Variants in KIF13A observed in about 807,000 individuals in gnomAD.
KIF13A encodes kinesin-like protein KIF13A.
In KIF13A, 79 loss-of-function variants were observed where a neutral mutation model predicts 212.2. The ratio of observed to expected loss-of-function variants is 0.37; its 90% CI spans 0.31 to 0.45. KIF13A has a LOEUF of 0.45. Among genes scored for constraint, KIF13A ranks in the 20% least tolerant of loss-of-function variants. The pLI is 1.00. For synonymous variants in KIF13A, 789 were observed against 808.6 expected (o/e 0.98, Z 0.41); for missense variants, 1,901 against 2,209.0 (o/e 0.86, Z 2.79).
chr6:17,876,585 T>A (rs1461194927), intron 3 of KIF13A, among the ~76,000 whole-genome samples: 1 of 152,098 alleles, frequency 6.6e-6, no homozygotes, highest in Non-Finnish European at 1.5e-5. Context: ...TTATTTTATT[T>A]TTCATTTATC....
chr6:17,810,863 G>A (rs967413629), intron 17 of KIF13A, among the ~76,000 whole-genome samples: 1 of 152,188 alleles, frequency 6.6e-6, no homozygotes. Context: ...AGTAATGCAA[G>A]TGATGGGGAG....
rs189167330 is a variant in KIF13A, at chr6:17,894,187, C to T, written c.159+3981G>A. On this transcript the variant is annotated intron_variant, in intron 3 of 38. Transcript: ENST00000259711. ...GGGTTCTGTCGCCCAGGCTGGAGTG[C>T]AGTTGCATGATCAAGCTTACTACAG... Among the ~76,000 whole-genome samples, 5 of 149,698 alleles carry T rather than the reference C, an allele frequency of 3.3e-5. No individual in the cohort carries two copies. In the East Asian group the frequency reaches 9.9e-4, roughly 30 times the overall value.
intron 2 of KIF13A, among the ~76,000 whole-genome samples, chr6:17,980,650 C>T (rs1780982613): frequency 6.6e-6 from 1 of 150,792 alleles, no homozygotes; most frequent in African/African-American, 2.4e-5. Flanking sequence ...ATTAAGTACA[C>T]AGAAAAAAAA....
In KIF13A at chr6:17,794,868, TTG is replaced by T; in HGVS notation, c.2943-166_2943-165del. 1.6e-6 allele frequency: 1 copy of T among 631,098 alleles called. No individual in the cohort carries two copies. The highest frequency in any genetic ancestry group is 2.9e-5 in the East Asian group (1 of 34,840). 39.1% of individuals were successfully genotyped at this position (631,098 alleles called of 1,614,324 possible). Reference sequence around the variant, plus strand: ...TAACTCTCAAAACCAACCTGTCATATTGTTTCTTTTTATTTATTTTACTGAGG... The same window carrying T: ...TAACTCTCAAAACCAACCTGTCATATTTTCTTTTTATTTATTTTACTGAGG... On this transcript the variant is annotated intron_variant, in intron 23 of 38. Transcript: ENST00000259711. This position sits in a 1 kb window ranked among gnomAD's most constrained non-coding sequence, Gnocchi z 4.1.
chr6:17,823,041 T>C (rs35813011), intron 16 of KIF13A, among the ~76,000 whole-genome samples: 39,734 of 150,838 alleles, frequency 0.26, 5,275 homozygotes, highest in Admixed American at 0.34. Flanking sequence ...TCTATACTTT[T>C]TTTTTTTTTT....
chr6:17,852,290 C>T (rs1367270283), intron 6 of KIF13A, among the ~76,000 whole-genome samples: 2 of 152,142 alleles, frequency 1.3e-5, no homozygotes, highest in African/African-American at 4.8e-5. Flanking sequence ...AGTCACAAAC[C>T]TTCCTGGGTT....
chr6:17,817,190 T>C lies in KIF13A; in HGVS notation c.1830A>G (p.Leu610=). The C allele has an allele frequency of 3.1e-6, 5 of 1,614,060 alleles. No individual in the cohort carries two copies. Among genetic ancestry groups the C allele is most frequent in the Non-Finnish European group, 4.2e-6 (5 of 1,179,894 alleles). ...CCTCTAGGGCACTTCTCTTTTCTTC[T>C]AGGTATTGTTTCTCCAGGACCTGAA... ...NVVQVLEKQY[L]EEKRSALEEQ... is the part of the protein sequence containing the mutation. The change falls in exon 17 of 39, where the codon CTA becomes CTG. Residue 610 remains leucine, a synonymous_variant. Coordinates refer to ENST00000259711, the MANE Select transcript of KIF13A (RefSeq NM_022113.6).
Position 17,787,680 on chromosome 6 carries a change from A to G in KIF13A, c.3361+96T>C, listed in dbSNP as rs1270296223. 39 of 731,446 alleles carry G rather than the reference A, an allele frequency of 5.3e-5. No homozygotes were observed. Among genetic ancestry groups the G allele is most frequent in the Non-Finnish European group, 7.0e-5 (29 of 411,490 alleles). 45.3% of individuals were successfully genotyped at this position (731,446 alleles called of 1,614,324 possible). Reference sequence around the variant, plus strand: ...CAACAACAACAACAACAACAAAAATAAGATACTACTGTCCAGTTAGGGGAA... The same window carrying G: ...CAACAACAACAACAACAACAAAAATGAGATACTACTGTCCAGTTAGGGGAA... On this transcript the variant is annotated intron_variant, in intron 27 of 38. Coordinates refer to ENST00000259711, the MANE Select transcript of KIF13A (RefSeq NM_022113.6). This position sits in a 1 kb window ranked among gnomAD's most constrained non-coding sequence, Gnocchi z 4.6.
chr6:17,889,547 T>C (rs1046568741), intron 3 of KIF13A, among the ~76,000 whole-genome samples: 4 of 152,228 alleles, frequency 2.6e-5, no homozygotes, highest in Admixed American at 2.0e-4. Context: ...CAGTTATTTA[T>C]ATGTTTTCCC....
chr6:17,950,742 A>C, intron 2 of KIF13A: 1 of 981,480 alleles, frequency 1.0e-6, no homozygotes, highest in Non-Finnish European at 1.2e-6. Context: ...TACTCAAAAG[A>C]TACTTAGAAA....
intron 4 of KIF13A, among the ~76,000 whole-genome samples, chr6:17,863,329 A>G (rs1212806960): frequency 2.6e-5 from 4 of 151,610 alleles, no homozygotes; most frequent in Admixed American, 6.6e-5. Context: ...TACTGGGGCC[A>G]GGGTATGCTA....
chr6:17,823,430 C>T (rs1202717751), intron 16 of KIF13A, among the ~76,000 whole-genome samples: 1 of 150,482 alleles, frequency 6.6e-6, no homozygotes, highest in Non-Finnish European at 1.5e-5. Flanking sequence ...CCACTTCCCC[C>T]TCCCTGCCTT....
intron 12 of KIF13A, among the ~76,000 whole-genome samples, chr6:17,832,582 G>C (rs1765544428): frequency 6.6e-6 from 1 of 151,932 alleles, no homozygotes; most frequent in African/African-American, 2.4e-5. Context: ...AGGTTGCAGT[G>C]AGCCAAGATT....
chr6:17,791,864 C>G (rs1761588639), intron 25 of KIF13A, among the ~76,000 whole-genome samples: 1 of 145,574 alleles, frequency 6.9e-6, no homozygotes, highest in Admixed American at 7.0e-5. Flanking sequence ...TGTGCCACCA[C>G]ACTCCAGCCT....
rs1781687219 is a variant in KIF13A at position 17,987,554 on chromosome 6, C to T, written c.-91G>A. The T allele has an allele frequency of 7.2e-6, 5 of 694,674 alleles. No individual in the cohort carries two copies. The highest frequency in any genetic ancestry group is 8.9e-6 in the Non-Finnish European group (5 of 558,890). 43.0% of individuals were successfully genotyped at this position (694,674 alleles called of 1,614,324 possible). A position where few individuals can be genotyped will look rare whatever the true frequency, so the allele number is the denominator to read the frequency against. Reference sequence around the variant, plus strand: ...GCCGCCGCCGCTGCAGCCGCGCGCCCCTCGAGCGCGGCCGCCGCCGCTCCG... The same window carrying T: ...GCCGCCGCCGCTGCAGCCGCGCGCCTCTCGAGCGCGGCCGCCGCCGCTCCG... On this transcript the variant is annotated 5_prime_UTR_variant, in exon 1 of 39. Transcript: ENST00000259711. The surrounding 1 kb of genome is among the most constrained non-coding windows in gnomAD (Gnocchi z 7.7).
chr6:17,884,081 C>T (rs1771324218), intron 3 of KIF13A, among the ~76,000 whole-genome samples: 1 of 152,174 alleles, frequency 6.6e-6, no homozygotes, highest in Admixed American at 6.5e-5. Flanking sequence ...GTACAACTCA[C>T]ACTACTCAAG....
At chr6:17,970,506 G>GT (rs1430999788) in intron 2 of KIF13A, among the ~76,000 whole-genome samples, 1 of 152,136 alleles carries the variant, frequency 6.6e-6, no homozygotes, top group Non-Finnish European at 1.5e-5. Flanking sequence ...CAGTGTGAAA[G>GT]TAACTAGATT....
chr6:17,898,067 A>T lies in KIF13A; in HGVS notation c.159+101T>A. 1 of 1,064,370 alleles carries T rather than the reference A, an allele frequency of 9.4e-7. No individual in the cohort carries two copies. 65.9% of individuals were successfully genotyped at this position (1,064,370 alleles called of 1,614,324 possible). On this transcript the variant is annotated intron_variant, in intron 3 of 38. Transcript: ENST00000259711. The surrounding 1 kb of genome is among the most constrained non-coding windows in gnomAD (Gnocchi z 5.2). ...AGTTTTAAATTAGGATGCTGTTTTC[A>T]GTTCTCAATGAGACAGATGTTCTAC...
At chr6:17,804,628 A>G in intron 19 of KIF13A, 118 bp from the exon 20 acceptor site, 4 of 1,011,602 alleles carry the variant, frequency 4.0e-6, no homozygotes, top group Non-Finnish European at 5.6e-6. Context: ...TTTAAACAGC[A>G]AGTAAAATTA....
Sources: gnomAD v4.1 joint callset for allele counts (sites outside exome capture counted in the v4.1 genomes callset) on GRCh38, gnomAD v4.1.1 for gene constraint, Gnocchi (gnomAD v3.1) non-coding constraint, MANE v1.5 for transcripts, NCBI Gene and HGNC (gene_info 2026-07-23, HGNC 2026-07-21) for gene names.